The following PKHD1 variants were observed in gnomAD, a reference collection of about 807,000 sequenced individuals.
The protein encoded by PKHD1 is fibrocystin.
A neutral mutation model predicts 412.0 loss-of-function variants in PKHD1; 291 were observed. The ratio of observed to expected loss-of-function variants is 0.71; its 90% CI spans 0.64 to 0.78. The LOEUF (loss-of-function observed/expected upper bound fraction) is 0.78. Among genes scored for constraint, PKHD1 ranks in the 30% least tolerant of loss-of-function variants. The pLI is 0.00. For missense variants in PKHD1, 4,825 were observed against 4,950.7 expected, an observed-to-expected ratio of 0.97 and a Z score of 0.76; for synonymous variants, 1,777 against 1,821.5, an observed-to-expected ratio of 0.98 and a Z score of 0.62.
Position 51,891,275 on chromosome 6 carries a change from T to C in PKHD1, c.6997-4030A>G, listed in dbSNP as rs556042595. On this transcript the variant is annotated intron_variant, in intron 43 of 66. Coordinates refer to ENST00000371117, the MANE Select transcript of PKHD1 (RefSeq NM_138694.4). ...AGGTTTTGGGGTTTTGTTTTTTTGTTTGTTTGTTTGTTTTCTTTTTTGAGA... is the reference window on the plus strand; with the variant it reads ...AGGTTTTGGGGTTTTGTTTTTTTGTCTGTTTGTTTGTTTTCTTTTTTGAGA... Among the ~76,000 whole-genome samples, 58 of 152,236 alleles carry C rather than the reference T, an allele frequency of 3.8e-4. 1 individual carries two copies. Among genetic ancestry groups the C allele is most frequent in the African/African-American group, 1.3e-3 (54 of 41,536 alleles).
intron 35 of PKHD1, among the ~76,000 whole-genome samples, chr6:51,973,616 C>A (rs1394114544): frequency 1.3e-5 from 2 of 152,138 alleles, no homozygotes; most frequent in Non-Finnish European, 2.9e-5. Flanking sequence ...CCTTGGGATT[C>A]AAGGCTGAAT....
intron 35 of PKHD1, among the ~76,000 whole-genome samples, chr6:52,008,057 A>G (rs1799317483): frequency 6.6e-6 from 1 of 152,214 alleles, no homozygotes; most frequent in Non-Finnish European, 1.5e-5. Flanking sequence ...ACTTGAGTGT[A>G]ACACATCACA....
rs559068597 is a variant in PKHD1, at chr6:51,951,451, C to T, written c.5908+8419G>A. Among the ~76,000 whole-genome samples, 12 of 152,236 alleles carry T rather than the reference C, an allele frequency of 7.9e-5. No homozygotes were observed. The South Asian group carries it at 2.5e-3, about 32-fold the overall frequency. Reference sequence around the variant, plus strand: ...TTTATCAAAGTTCAGTTAGCACTGACCCAATCTCATTTTTGACCAGCCTGC... The same window carrying T: ...TTTATCAAAGTTCAGTTAGCACTGATCCAATCTCATTTTTGACCAGCCTGC... On this transcript the variant is annotated intron_variant, in intron 36 of 66. Coordinates refer to ENST00000371117, the MANE Select transcript of PKHD1 (RefSeq NM_138694.4).
intron 55 of PKHD1, among the ~76,000 whole-genome samples, chr6:51,769,220 A>T (rs58600315): frequency 0.18 from 27,897 of 151,360 alleles, 3,372 homozygotes; most frequent in African/African-American, 0.34. Flanking sequence ...AATAGATTAT[A>T]TAACATAGGA....
chr6:51,787,146 T>G (rs9367453), intron 53 of PKHD1, among the ~76,000 whole-genome samples: 88,631 of 151,508 alleles, frequency 0.58, 26,614 homozygotes, highest in East Asian at 0.83. Context: ...GGATCACGAG[T>G]TCAGGAGTTC....
chr6:51,742,973 C>T (rs9382005), intron 60 of PKHD1, among the ~76,000 whole-genome samples: 4 of 151,810 alleles, frequency 2.6e-5, no homozygotes, highest in African/African-American at 4.8e-5. Flanking sequence ...CCAGCACAAA[C>T]GCCCTGATGT....
At chr6:51,807,483 A>ATTTGTGTGTG (rs1323501426) in intron 52 of PKHD1, among the ~76,000 whole-genome samples, 1 of 90,326 alleles carries the variant, frequency 1.1e-5, no homozygotes, top group African/African-American at 5.6e-5. Context: ...ATATATATGT[A>ATTTGTGTGTG]TATGTGTGTG....
rs184296317 is a variant in PKHD1 at position 52,027,586 on chromosome 6, A to G, written c.3628+243T>C. Among the ~76,000 whole-genome samples, 151 of 150,630 alleles carry G rather than the reference A, an allele frequency of 1.0e-3. 5 individuals are homozygous for G. In the East Asian group the frequency reaches 0.017, roughly 17 times the overall value. ...AGAAGGAGAAGAAGAAAAAGAAAAA[A>G]AAAAGAAAAGAAAAGCAGGCACATC... On this transcript the variant is annotated intron_variant, in intron 31 of 66. Coordinates refer to ENST00000371117, the MANE Select transcript of PKHD1 (RefSeq NM_138694.4).
At chr6:51,969,014 T>G (rs1047934312) in intron 35 of PKHD1, among the ~76,000 whole-genome samples, 1 of 152,178 alleles carries the variant, frequency 6.6e-6, no homozygotes. Context: ...ATGGTAATGA[T>G]GATAGAATTA....
At chr6:51,750,603 T>C (rs1785950545) in intron 57 of PKHD1, among the ~76,000 whole-genome samples, 1 of 152,124 alleles carries the variant, frequency 6.6e-6, no homozygotes. Context: ...TGTTCGGCTA[T>C]CCAGAAGCTC....
intron 61 of PKHD1, among the ~76,000 whole-genome samples, chr6:51,654,261 G>T (rs1771447439): frequency 6.6e-6 from 1 of 152,060 alleles, no homozygotes; most frequent in Admixed American, 6.6e-5. Flanking sequence ...CTGGATTAAT[G>T]GCTAAGCAGC....
chr6:51,791,289 C>T lies in PKHD1; in HGVS notation c.8387G>A (p.Ser2796Asn), dbSNP rs757301509. The T allele has an allele frequency of 3.1e-6, 5 of 1,613,996 alleles. No individual in the cohort carries two copies. Among genetic ancestry groups the T allele is most frequent in the South Asian group, 2.2e-5 (2 of 91,082 alleles). ...MGTLDFPVDRSNVLSVACMVI... is the reference protein window; with the variant it reads ...MGTLDFPVDRNNVLSVACMVI... ...CATGCATGCCACACTCAGAACATTGCTTCTGTCCACAGGGAAGTCTAAGGT... is the reference window on the plus strand; with the variant it reads ...CATGCATGCCACACTCAGAACATTGTTTCTGTCCACAGGGAAGTCTAAGGT... The change falls in exon 53 of 67, where the codon AGC becomes AAC. Residue 2796 changes from serine to asparagine, a missense_variant. By Grantham distance (46) the Ser-to-Asn change is conservative. Transcript: ENST00000371117.
intron 35 of PKHD1, among the ~76,000 whole-genome samples, chr6:52,008,744 T>C (rs1279150000): frequency 1.3e-5 from 2 of 152,020 alleles, no homozygotes; most frequent in African/African-American, 4.8e-5. Context: ...CCCTATGAAG[T>C]GGGAACTATT....
At chr6:51,711,926 A>G (rs1012140748) in intron 60 of PKHD1, among the ~76,000 whole-genome samples, 1 of 152,206 alleles carries the variant, frequency 6.6e-6, no homozygotes, top group African/African-American at 2.4e-5. Flanking sequence ...AGCAACCTAC[A>G]TGGTTTTGGA....
In PKHD1 at chr6:51,868,052, G is replaced by A. The variant is rs1335353620; in HGVS notation, c.7544C>T (p.Ala2515Val). Reference protein sequence around the residue: ...LKFTNSSNLVAFPFPHAAILE... With the variant: ...LKFTNSSNLVVFPFPHAAILE... Reference sequence around the variant, plus strand: ...AATTGCTGCATGAGGAAATGGAAATGCCACTAAGTTTGAAGAGTTTGTAAA... The same window carrying A: ...AATTGCTGCATGAGGAAATGGAAATACCACTAAGTTTGAAGAGTTTGTAAA... The change falls in exon 48 of 67, where the codon GCA becomes GTA. Residue 2515 changes from alanine (A) to valine (V), a missense_variant. Ala to Val is a moderately conservative substitution (Grantham distance 64). Coordinates refer to ENST00000371117, the MANE Select transcript of PKHD1 (RefSeq NM_138694.4). 1 of 1,610,762 alleles carries A rather than the reference G, an allele frequency of 6.2e-7. No individual in the cohort carries two copies. The highest frequency in any genetic ancestry group is 1.3e-5 in the African/African-American group (1 of 74,990).
intron 43 of PKHD1, among the ~76,000 whole-genome samples, chr6:51,899,365 C>T (rs372845750): frequency 6.7e-4 from 102 of 151,808 alleles, no homozygotes; most frequent in African/African-American, 1.6e-3. Context: ...GTTCAATATA[C>T]GCAAATCAAT....
chr6:51,697,590 C>A (rs1778952314), intron 60 of PKHD1, among the ~76,000 whole-genome samples: 1 of 152,192 alleles, frequency 6.6e-6, no homozygotes, highest in Non-Finnish European at 1.5e-5. Context: ...TAAGTACACC[C>A]CCGTGTCCCC....
intron 35 of PKHD1, among the ~76,000 whole-genome samples, chr6:51,982,539 C>A (rs1239660574): frequency 7.2e-6 from 1 of 139,564 alleles, no homozygotes; most frequent in Non-Finnish European, 1.6e-5. Flanking sequence ...GAAACATGTG[C>A]TGTGTCCACT....
intron 53 of PKHD1, among the ~76,000 whole-genome samples, chr6:51,784,742 GC>G (rs1358162955): frequency 6.6e-6 from 1 of 152,118 alleles, no homozygotes; most frequent in East Asian, 1.9e-4. Context: ...TACAGGGGCT[GC>G]CTTTCTGCCT....
Sources: allele counts gnomAD v4.1 joint callset (sites outside exome capture counted in the v4.1 genomes callset), GRCh38; gene constraint gnomAD v4.1.1; transcripts MANE v1.5; gene names NCBI Gene and HGNC (gene_info 2026-07-23, HGNC 2026-07-21).